CSMD1: variants seen among roughly 807,000 people sequenced by gnomAD.
CSMD1 encodes the protein CUB and Sushi multiple domains 1.
CSMD1 carries 213 observed loss-of-function variants against 417.5 expected under a neutral mutation model. The ratio of observed to expected loss-of-function variants is 0.51; its 90% CI spans 0.46 to 0.57. The LOEUF (loss-of-function observed/expected upper bound fraction) is 0.57. Ranked by LOEUF, CSMD1 falls within the 20% of genes least tolerant of loss-of-function variation. The probability of loss-of-function intolerance (pLI) is 0.00; values close to 1 mark genes in which losing one functional copy is unlikely to be tolerated. For synonymous variants in CSMD1, 2,862 were observed against 1,736.8 expected (o/e 1.65, Z -16.11); for missense variants, 6,923 against 4,529.7 (o/e 1.53, Z -15.17).
intron 3 of CSMD1, among the ~76,000 whole-genome samples, chr8:4,090,169 G>C (rs17068907): frequency 0.089 from 13,604 of 152,164 alleles, 825 homozygotes; most frequent in East Asian, 0.28. Context: ...ATACTGTTTT[G>C]AGTGTAACCT....
At chr8:3,738,820 A>T (rs150705402) in intron 6 of CSMD1, among the ~76,000 whole-genome samples, 1 of 152,158 alleles carries the variant, frequency 6.6e-6, no homozygotes, top group Non-Finnish European at 1.5e-5. Flanking sequence ...GCGTGACACC[A>T]TGTTTCTCTT....
intron 3 of CSMD1, among the ~76,000 whole-genome samples, chr8:4,193,197 G>A (rs943847137): frequency 6.6e-6 from 1 of 152,154 alleles, no homozygotes; most frequent in Non-Finnish European, 1.5e-5. Flanking sequence ...GGAGTCATAA[G>A]CAGGGCTGAA....
At chr8:3,214,397 TGA>T in intron 30 of CSMD1, 98 bp downstream of exon 30, 1 of 998,206 alleles carries the variant, frequency 1.0e-6, no homozygotes. Context: ...TCACCACCGA[TGA>T]GAGGAATACG....
At chr8:4,624,940 A>G (rs1264754725) in intron 2 of CSMD1, among the ~76,000 whole-genome samples, 1 of 152,188 alleles carries the variant, frequency 6.6e-6, no homozygotes, top group Non-Finnish European at 1.5e-5. Context: ...GGTAGAGAAC[A>G]GCAGTTTTCA....
At chr8:3,103,580 C>G (rs1815911349) in intron 46 of CSMD1, among the ~76,000 whole-genome samples, 1 of 151,988 alleles carries the variant, frequency 6.6e-6, no homozygotes, top group Non-Finnish European at 1.5e-5. Flanking sequence ...GAATTTTCAG[C>G]TTCATTATAA....
intron 11 of CSMD1, among the ~76,000 whole-genome samples, chr8:3,486,763 C>G (rs1336035901): frequency 2.6e-5 from 4 of 152,236 alleles, no homozygotes; most frequent in African/African-American, 9.6e-5. Context: ...CCCAAGGTCC[C>G]TGACTCTGCT....
rs751170042 is a variant in CSMD1, at chr8:3,289,699, G to C, written c.3951-5353C>G. 5.4e-5 allele frequency among the ~76,000 whole-genome samples: 8 copies of C among 146,792 alleles called. 2 individuals are homozygous for C. The highest frequency in any genetic ancestry group is 2.2e-4 in the African/African-American group (8 of 36,796). On this transcript the variant is annotated intron_variant, in intron 25 of 69. Coordinates refer to ENST00000635120, the MANE Select transcript of CSMD1 (RefSeq NM_033225.6). ...TTTGTTTTTTTCTTGAAAATTTGTTGGAGTTCATTGTAGATTCTGGATATT... is the reference window on the plus strand; with the variant it reads ...TTTGTTTTTTTCTTGAAAATTTGTTCGAGTTCATTGTAGATTCTGGATATT...
chr8:3,440,609 GT>G (rs372170113), intron 12 of CSMD1, among the ~76,000 whole-genome samples: 324 of 152,240 alleles, frequency 2.1e-3, no homozygotes, highest in South Asian at 0.013. Flanking sequence ...CAGGTTTACT[GT>G]TTTTCTTTGC....
At chr8:3,093,525 G>A (rs1311003551) in intron 47 of CSMD1, among the ~76,000 whole-genome samples, 1 of 152,066 alleles carries the variant, frequency 6.6e-6, no homozygotes, top group Non-Finnish European at 1.5e-5. Flanking sequence ...AAAATTAGCT[G>A]GGCGTGGCGG....
At chr8:3,260,988 GAAC>G (rs760923162) in intron 26 of CSMD1, among the ~76,000 whole-genome samples, 3 of 151,058 alleles carry the variant, frequency 2.0e-5, no homozygotes, top group Non-Finnish European at 4.4e-5. Flanking sequence ...ATGGGAAAAG[GAAC>G]AACAACAACA....
At chr8:3,685,989 A>G (rs371753841) in intron 7 of CSMD1, among the ~76,000 whole-genome samples, 1 of 152,038 alleles carries the variant, frequency 6.6e-6, no homozygotes, top group Non-Finnish European at 1.5e-5. Flanking sequence ...TACCAAATAA[A>G]ATATATTATT....
At chr8:4,989,400 A>C (rs1245515111) in intron 1 of CSMD1, among the ~76,000 whole-genome samples, 2 of 152,232 alleles carry the variant, frequency 1.3e-5, no homozygotes, top group African/African-American at 2.4e-5. Flanking sequence ...CCTAGGAGAC[A>C]ACAGGCTGGT....
chr8:4,297,058 C>T (rs983217922), intron 3 of CSMD1, among the ~76,000 whole-genome samples: 4 of 145,974 alleles, frequency 2.7e-5, no homozygotes, highest in East Asian at 2.0e-4. Flanking sequence ...TAAAAATGGT[C>T]GGATGGGTTA....
At chr8:4,549,758 G>A (rs1294378835) in intron 2 of CSMD1, among the ~76,000 whole-genome samples, 2 of 151,814 alleles carry the variant, frequency 1.3e-5, no homozygotes, top group African/African-American at 4.8e-5. Context: ...TTAGCTGGGT[G>A]TGGTGGTTGA....
rs1563319356 is a variant in CSMD1 at position 4,761,890 on chromosome 8, C to CTAT, written c.86-124333_86-124332insATA. ...ATCTATCTATCTATCTATCTATCTA[C>CTAT]CTACCTATCTATCTATCTATCAATC... On this transcript the variant is annotated intron_variant, in intron 1 of 69. Transcript: ENST00000635120. 7.9e-3 allele frequency among the ~76,000 whole-genome samples: 738 copies of CTAT among 93,492 alleles called. 6 individuals are homozygous for CTAT. The highest frequency in any genetic ancestry group is 0.03 in the East Asian group (69 of 2,290). 61.3% of individuals were successfully genotyped at this position (93,492 alleles called of 152,430 possible). A position where few individuals can be genotyped will look rare whatever the true frequency, so the allele number is the denominator to read the frequency against.
intron 1 of CSMD1, among the ~76,000 whole-genome samples, chr8:4,701,323 T>A (rs1156240899): frequency 6.6e-6 from 1 of 151,318 alleles, no homozygotes; most frequent in Non-Finnish European, 1.5e-5. Flanking sequence ...GATGCTTTTT[T>A]TTTTTTTAAC....
chr8:3,231,076 C>T (rs2113346), intron 26 of CSMD1, among the ~76,000 whole-genome samples: 5,858 of 152,128 alleles, frequency 0.039, 280 homozygotes, highest in South Asian at 0.22. Flanking sequence ...AGAAGGCTAC[C>T]GCAAGCCCAG....
intron 10 of CSMD1, among the ~76,000 whole-genome samples, chr8:3,509,193 C>T (rs920910446): frequency 4.6e-5 from 7 of 152,196 alleles, no homozygotes; most frequent in East Asian, 1.9e-4. Context: ...TGATTGGTTT[C>T]GGAAATCTGG....
intron 54 of CSMD1, among the ~76,000 whole-genome samples, chr8:2,990,120 T>G (rs1244015428): frequency 6.6e-6 from 1 of 152,210 alleles, no homozygotes; most frequent in African/African-American, 2.4e-5. Context: ...AATGGTTCCT[T>G]CAGTCATGCA....
Sources: allele counts gnomAD v4.1 joint callset (sites outside exome capture counted in the v4.1 genomes callset), GRCh38; gene constraint gnomAD v4.1.1; transcripts MANE v1.5; gene names NCBI Gene and HGNC (gene_info 2026-07-23, HGNC 2026-07-21).